The following DMRTA1 variants were observed in gnomAD, a reference collection of about 807,000 sequenced individuals.
DMRTA1 encodes doublesex- and mab-3-related transcription factor A1.
A neutral mutation model predicts 35.2 loss-of-function variants in DMRTA1; 34 were observed. The observed-to-expected ratio is 0.97, with a 90% CI of 0.74 to 1.29. DMRTA1 has a LOEUF of 1.29. Among genes scored for constraint, DMRTA1 ranks in the 50% most tolerant of loss-of-function variants. The pLI, the probability that DMRTA1 is intolerant of heterozygous loss-of-function variation, is 0.00. For missense variants in DMRTA1, 824 were observed against 644.6 expected (o/e 1.28, Z -3.01); for synonymous variants, 344 against 276.6 (o/e 1.24, Z -2.42).
Position 22,447,135 on chromosome 9 carries a change from G to C in DMRTA1, c.70G>C (p.Val24Leu), listed in dbSNP as rs745546150. 2 of 1,605,904 alleles carry C rather than the reference G, an allele frequency of 1.2e-6. No homozygotes were observed. Among genetic ancestry groups the C allele is most frequent in the East Asian group, 4.6e-5 (2 of 43,820 alleles). The change falls in exon 1 of 2, where the codon GTG (valine) becomes CTG (leucine). Residue 24 changes from valine (V) to leucine (L), a missense_variant. Transcript: ENST00000325870. ...CCGACCTCACTTGGCCCCTGGGCTA[G>C]TGGTGGCTGCCCCTCCGCCCCCGTC... ...SGRPHLAPGL[V>L]VAAPPPPSPA... is the part of the protein sequence containing the mutation.
Position 22,453,238 on chromosome 9 carries a change from T to C in DMRTA1, c.*1327T>C, listed in dbSNP as rs1023393904. On this transcript the variant is annotated 3_prime_UTR_variant, in exon 2 of 2. Transcript: ENST00000325870. ...GATTGTTTAAACTATTTAAGCAGCA[T>C]GACTCACTAAAGATTTTTTAAATTA... 2 of 152,120 alleles carry C rather than the reference T, an allele frequency of 1.3e-5. No homozygotes were observed. The highest frequency in any genetic ancestry group is 2.4e-5 in the African/African-American group (1 of 41,460). 9.4% of individuals were successfully genotyped at this position (152,120 alleles called of 1,614,324 possible). A position where few individuals can be genotyped will look rare whatever the true frequency, so the allele number is the denominator to read the frequency against.
Position 22,447,330 on chromosome 9 carries a change from T to C in DMRTA1, c.265T>C (p.Cys89Arg). The C allele has an allele frequency of 6.5e-7, 1 of 1,536,620 alleles. No homozygotes were observed. The highest frequency in any genetic ancestry group is 8.7e-7 in the Non-Finnish European group (1 of 1,145,542). ...GLESGVGAVG[C>R]GYPRTPKCAR... ...GGAGAGCGGGGTAGGCGCGGTGGGC[T>C]GCGGCTACCCGCGGACGCCCAAGTG... The change falls in exon 1 of 2, where the codon TGC becomes CGC. Residue 89 changes from cysteine (C) to arginine (R), a missense_variant. By Grantham distance (180) the Cys-to-Arg change is radical (BLOSUM62 -3). Transcript: ENST00000325870.
Sources: gnomAD v4.1 joint callset for allele counts on GRCh38, gnomAD v4.1.1 for gene constraint, MANE v1.5 for transcripts, NCBI Gene and HGNC (gene_info 2026-07-23, HGNC 2026-07-21) for gene names.